The following MAP1S variants were observed in gnomAD, a reference collection of about 807,000 sequenced individuals.
MAP1S encodes the protein microtubule associated protein 1S, also known as microtubule-associated protein 1S.
MAP1S carries 27 observed loss-of-function variants against 60.9 expected under a neutral mutation model. The observed-to-expected ratio is 0.44, with a 90% CI of 0.33 to 0.61. The LOEUF (loss-of-function observed/expected upper bound fraction) is 0.61. MAP1S is among the 20% of genes least tolerant of loss of function. MAP1S has a pLI of 0.03. For missense variants in MAP1S, 1,608 were observed against 1,486.6 expected (o/e 1.08, Z -1.34); for synonymous variants, 826 against 694.2 (o/e 1.19, Z -2.98).
At chr19:17,720,686 A>G in intron 1 of MAP1S, 1 of 640,742 alleles carries the variant, frequency 1.6e-6, no homozygotes, top group Non-Finnish European at 2.7e-6. Flanking sequence ...AGGAGCAGCG[A>G]GGAGGTGGAG....
intron 1 of MAP1S, chr19:17,720,204 G>A: frequency 7.3e-7 from 1 of 1,364,870 alleles, no homozygotes; most frequent in South Asian, 1.7e-5. Context: ...TTGGCTCAGT[G>A]GGACTGGCGG....
chr19:17,727,563 C>T lies in MAP1S; in HGVS notation c.2179C>T (p.Arg727Trp), dbSNP rs746496738. The T allele has an allele frequency of 1.8e-5, 29 of 1,607,214 alleles. No individual in the cohort carries two copies. The highest frequency in any genetic ancestry group is 2.2e-5 in the Non-Finnish European group (26 of 1,179,362). ...CCTCCCGCTGCGTGGCCCCCGGGCG[C>T]GGCGCTCGGCTTCCCCACACGATGT... is the stretch of plus-strand genomic sequence containing the variant. ...LSLPLRGPRA[R>W]RSASPHDVDL... The change falls in exon 5 of 7, where the codon CGG (arginine) becomes TGG (tryptophan). Residue 727 changes from arginine to tryptophan, a missense_variant. Coordinates refer to ENST00000324096, the MANE Select transcript of MAP1S (RefSeq NM_018174.6). The surrounding 1 kb of genome is among the most constrained non-coding windows in gnomAD (Gnocchi z 4.1).
At chr19:17,729,329 C>G (rs1023485817) in intron 5 of MAP1S, among the ~76,000 whole-genome samples, 1 of 152,158 alleles carries the variant, frequency 6.6e-6, no homozygotes, top group African/African-American at 2.4e-5. Context: ...GGCACCCACA[C>G]TCTAGACTCC....
At position 17,727,898 on chromosome 19, in the gene MAP1S, C is replaced by T. The variant is rs778174672; in HGVS notation, c.2514C>T (p.Ser838=). 1.9e-6 allele frequency: 3 copies of T among 1,612,874 alleles called. No homozygotes were observed. The highest frequency in any genetic ancestry group is 2.7e-5 in the African/African-American group (2 of 74,888). Residue 838 remains serine, a synonymous_variant, in exon 5 of 7, where the codon TCC becomes TCT. Transcript: ENST00000324096. The surrounding 1 kb of genome is among the most constrained non-coding windows in gnomAD (Gnocchi z 4.1). ...LKVPPPLPDP[S]SICMVDPEML... Reference sequence around the variant, plus strand: ...TCCCCCCACCACTGCCTGACCCATCCAGCATCTGCATGGTGGACCCCGAGA... The same window carrying T: ...TCCCCCCACCACTGCCTGACCCATCTAGCATCTGCATGGTGGACCCCGAGA...
At chr19:17,733,455 G>A in intron 6 of MAP1S, 27 bp downstream of exon 6, 1 of 1,543,828 alleles carries the variant, frequency 6.5e-7, no homozygotes, top group East Asian at 2.3e-5. Flanking sequence ...GGCCTCTGGT[G>A]GTAAGTGTAG....
At chr19:17,722,778 GGAGGGAGGGGGA>G (rs1177764174) in intron 2 of MAP1S, among the ~76,000 whole-genome samples, 14 of 144,466 alleles carry the variant, frequency 9.7e-5, no homozygotes, top group Non-Finnish European at 2.2e-4. Context: ...AGGGAGGGAG[GGAGGGAGGGGGA>G]GAGGGAGGGA....
In MAP1S at chr19:17,724,208, G is replaced by A; in HGVS notation, c.303G>A (p.Glu101=). 6.2e-7 allele frequency: 1 copy of A among 1,613,502 alleles called. No homozygotes were observed. The highest frequency in any genetic ancestry group is 8.5e-7 in the Non-Finnish European group (1 of 1,179,620). The change falls in exon 3 of 7, where the codon GAG becomes GAA. Residue 101 remains glutamate, a splice_region_variant and synonymous_variant. Coordinates refer to ENST00000324096, the MANE Select transcript of MAP1S (RefSeq NM_018174.6). ...CATCAGACAAGTCCCTGTATGATGA[G>A]GTAGGGAATGGCTGACGTCCTGGAG... ...LNPSDKSLYD[E]LRNLLLDPAS...
chr19:17,722,426 T>A lies in MAP1S; in HGVS notation c.220+1389T>A, dbSNP rs573277388. 2.0e-5 allele frequency among the ~76,000 whole-genome samples: 3 copies of A among 152,294 alleles called. No individual in the cohort carries two copies. The South Asian group carries it at 6.2e-4, about 32-fold the overall frequency. On this transcript the variant is annotated intron_variant, in intron 2 of 6. Transcript: ENST00000324096. ...AAGATTGTGCCACTGCACTTCAGCCTGGGCAACAGAGCGAGACCCTGTCTC... is the reference window on the plus strand; with the variant it reads ...AAGATTGTGCCACTGCACTTCAGCCAGGGCAACAGAGCGAGACCCTGTCTC...
chr19:17,724,886 A>T, intron 3 of MAP1S, 163 bp from the exon 4 acceptor site: 1 of 793,908 alleles, frequency 1.3e-6, no homozygotes, highest in Non-Finnish European at 2.1e-6. Context: ...AGGGCCCAGC[A>T]GGAGACCTGG....
At position 17,725,422 on chromosome 19, in the gene MAP1S, A is replaced by AGG. The variant is rs2080408883; in HGVS notation, c.444+235_444+236dup. ...CAGCAGATGTCCCAAAGTCCTGATG[A>AGG]GGGATGGAGCCAAATGGGTCCTTCC... On this transcript the variant is annotated intron_variant, in intron 4 of 6. Coordinates refer to ENST00000324096, the MANE Select transcript of MAP1S (RefSeq NM_018174.6). This position sits in a 1 kb window ranked among gnomAD's most constrained non-coding sequence, Gnocchi z 4.2. 6.6e-6 allele frequency among the ~76,000 whole-genome samples: 1 copy of AGG among 152,148 alleles called. No individual in the cohort carries two copies. The highest frequency in any genetic ancestry group is 1.5e-5 in the Non-Finnish European group (1 of 68,034).
Position 17,734,430 on chromosome 19 carries a change from C to T in MAP1S, c.*2C>T, listed in dbSNP as rs1206941322. 1 of 1,605,250 alleles carries T rather than the reference C, an allele frequency of 6.2e-7. No individual in the cohort carries two copies. The highest frequency in any genetic ancestry group is 8.5e-7 in the Non-Finnish European group (1 of 1,175,282). ...CCGGCCTGCAAGGTGGAGTTCTAGCCCCATCGCCGACACGCCCCCCACTCA... is the reference window on the plus strand; with the variant it reads ...CCGGCCTGCAAGGTGGAGTTCTAGCTCCATCGCCGACACGCCCCCCACTCA... On this transcript the variant is annotated 3_prime_UTR_variant, in exon 7 of 7. Transcript: ENST00000324096.
At chr19:17,722,515 G>C (rs1683986550) in intron 2 of MAP1S, among the ~76,000 whole-genome samples, 2 of 152,144 alleles carry the variant, frequency 1.3e-5, no homozygotes, top group Non-Finnish European at 2.9e-5. Flanking sequence ...TTGGAAGGCT[G>C]AGGTGGGTGG....
chr19:17,724,057 G>T lies in MAP1S; in HGVS notation c.221-69G>T. 3 of 1,236,712 alleles carry T rather than the reference G, an allele frequency of 2.4e-6. No individual in the cohort carries two copies. In the South Asian group the frequency reaches 3.6e-5, roughly 15 times the overall value. 76.6% of individuals were successfully genotyped at this position (1,236,712 alleles called of 1,614,324 possible). ...TGATCCCTGGGTGGGTTCCCAGAGG[G>T]GTTCATGTTCCCTGAGGGTCACACG... On this transcript the variant is annotated intron_variant, in intron 2 of 6. Coordinates refer to ENST00000324096, the MANE Select transcript of MAP1S (RefSeq NM_018174.6).
chr19:17,734,321 G>A lies in MAP1S; in HGVS notation c.3073G>A (p.Ala1025Thr), dbSNP rs371306436. 13 of 1,613,686 alleles carry A rather than the reference G, an allele frequency of 8.1e-6. No homozygotes were observed. Among genetic ancestry groups the A allele is most frequent in the Non-Finnish European group, 1.0e-5 (12 of 1,179,932 alleles). ...CTCGGTGGCCATGCATACGTGGTAC[G>A]CAGAGACGCACGCCCGGCACCAGGC... ...FDSVAMHTWY[A>T]ETHARHQALG... The change falls in exon 7 of 7, where the codon GCA becomes ACA. Residue 1025 changes from alanine (A) to threonine (T), a missense_variant. Coordinates refer to ENST00000324096, the MANE Select transcript of MAP1S (RefSeq NM_018174.6).
At position 17,725,653 on chromosome 19, in the gene MAP1S, C is replaced by T. The variant is rs1360575400; in HGVS notation, c.445-176C>T. ...GAGGCATTTGAAGGGGAGGGAGAGA[C>T]AGGAGGTGAGGCCAGATCAAAGAGC... On this transcript the variant is annotated intron_variant, in intron 4 of 6. Coordinates refer to ENST00000324096, the MANE Select transcript of MAP1S (RefSeq NM_018174.6). The surrounding 1 kb of genome is among the most constrained non-coding windows in gnomAD (Gnocchi z 4.2). 6.6e-6 allele frequency among the ~76,000 whole-genome samples: 1 copy of T among 151,974 alleles called. No homozygotes were observed. The highest frequency in any genetic ancestry group is 2.4e-5 in the African/African-American group (1 of 41,372).
At chr19:17,733,574 G>C (rs2080512598) in intron 6 of MAP1S, 146 bp downstream of exon 6, 1 of 657,466 alleles carries the variant, frequency 1.5e-6, no homozygotes, top group Non-Finnish European at 2.5e-6. Flanking sequence ...TCAGCCCTTA[G>C]GGGTCTCTTC....
At position 17,728,180 on chromosome 19, in the gene MAP1S, C is replaced by G. The variant is rs752971369; in HGVS notation, c.2788+8C>G. The G allele has an allele frequency of 4.5e-6, 7 of 1,564,972 alleles. No individual in the cohort carries two copies. The African/African-American group carries it at 8.2e-5, about 18-fold the overall frequency. ...CCACTCGAGGCCCGTCGGGTGAGTA[C>G]TGGAGCTGGGGCCCTGGGCTGGGTT... On this transcript the variant is annotated splice_region_variant and intron_variant, in intron 5 of 6. Coordinates refer to ENST00000324096, the MANE Select transcript of MAP1S (RefSeq NM_018174.6).
Position 17,725,901 on chromosome 19 carries a change from G to C in MAP1S, c.517G>C (p.Gly173Arg). ...ACTCACCATCACCTGCCCCACCTTCGGTGACTGGGCTCAGCTGGCACCCGC... is the reference window on the plus strand; with the variant it reads ...ACTCACCATCACCTGCCCCACCTTCCGTGACTGGGCTCAGCTGGCACCCGC... ...PILTITCPTFGDWAQLAPAVP... is the reference protein window; with the variant it reads ...PILTITCPTFRDWAQLAPAVP... Residue 173 changes from glycine (G) to arginine (R), a missense_variant, in exon 5 of 7, where the codon GGT becomes CGT. Physicochemically the swap from Gly to Arg is moderately radical, Grantham distance 125. Transcript: ENST00000324096. The surrounding 1 kb of genome is among the most constrained non-coding windows in gnomAD (Gnocchi z 4.2). 6.2e-7 allele frequency: 1 copy of C among 1,613,782 alleles called. No homozygotes were observed. The highest frequency in any genetic ancestry group is 8.5e-7 in the Non-Finnish European group (1 of 1,179,992).
rs556832140 is a variant in MAP1S, at chr19:17,725,894, C to G, written c.510C>G (p.Pro170=). Residue 170 remains proline (P), a synonymous_variant, in exon 5 of 7, where the codon CCC becomes CCG. Coordinates refer to ENST00000324096, the MANE Select transcript of MAP1S (RefSeq NM_018174.6). This position sits in a 1 kb window ranked among gnomAD's most constrained non-coding sequence, Gnocchi z 4.2. ...VQPPILTITC[P]TFGDWAQLAP... ...CGCCCATACTCACCATCACCTGCCC[C>G]ACCTTCGGTGACTGGGCTCAGCTGG... 2 of 1,613,820 alleles carry G rather than the reference C, an allele frequency of 1.2e-6. No individual in the cohort carries two copies. Among genetic ancestry groups the G allele is most frequent in the Non-Finnish European group, 1.7e-6 (2 of 1,180,006 alleles).
Sources: allele counts gnomAD v4.1 joint callset (sites outside exome capture counted in the v4.1 genomes callset), GRCh38; gene constraint gnomAD v4.1.1; non-coding constraint Gnocchi (gnomAD v3.1); transcripts MANE v1.5; gene names NCBI Gene and HGNC (gene_info 2026-07-23, HGNC 2026-07-21).